Variants in XRRA1 observed in about 807,000 individuals in gnomAD.
The protein encoded by XRRA1 is X-ray radiation resistance associated 1.
Under a neutral mutation model 80.2 loss-of-function variants are expected in XRRA1, and 69 were observed. The ratio of observed to expected loss-of-function variants is 0.86; its 90% CI spans 0.71 to 1.05. The LOEUF (loss-of-function observed/expected upper bound fraction) is 1.05, where lower values mean the gene tolerates loss of function less well. Among genes scored for constraint, XRRA1 ranks in the 50% least tolerant of loss-of-function variants. XRRA1 has a pLI of 0.00. For missense variants in XRRA1, 967 were observed against 976.4 expected (o/e 0.99, Z 0.13); for synonymous variants, 348 against 389.9 (o/e 0.89, Z 1.27).
At chr11:74,887,201 G>C (rs1167659746) in intron 10 of XRRA1, among the ~76,000 whole-genome samples, 2 of 152,204 alleles carry the variant, frequency 1.3e-5, no homozygotes, top group East Asian at 1.9e-4. Flanking sequence ...AAATGTGACA[G>C]AAACAGTAAT....
intron 8 of XRRA1, among the ~76,000 whole-genome samples, chr11:74,908,062 G>C (rs1012877489): frequency 6.6e-6 from 1 of 152,066 alleles, no homozygotes; most frequent in Non-Finnish European, 1.5e-5. Flanking sequence ...CATACTGTAT[G>C]CCACCCACAC....
intron 4 of XRRA1, 138 bp from the exon 5 acceptor site, chr11:74,934,010 C>A: frequency 1.3e-6 from 1 of 769,334 alleles, no homozygotes; most frequent in South Asian, 1.9e-5. Context: ...TTCATTCATT[C>A]ATTCATTATT....
rs1433904647 is a variant in XRRA1 at position 74,841,378 on chromosome 11, A to G, written c.*1822T>C. ...GATGATCTAGGAAATGCATCTTTAT[A>G]CATGATTGTTAGCTGCTGTAGCTTT... On this transcript the variant is annotated 3_prime_UTR_variant, in exon 19 of 19. Coordinates refer to ENST00000684022, the MANE Select transcript of XRRA1 (RefSeq NM_001378157.1). 2.6e-5 allele frequency: 4 copies of G among 152,230 alleles called. No individual in the cohort carries two copies. The East Asian group carries it at 7.7e-4, about 29-fold the overall frequency. 9.4% of individuals were successfully genotyped at this position (152,230 alleles called of 1,614,324 possible). A position where few individuals can be genotyped will look rare whatever the true frequency, so the allele number is the denominator to read the frequency against.
In XRRA1 at chr11:74,846,512, T is replaced by C. The variant is rs115305506; in HGVS notation, c.1729-1241A>G. 4.5e-3 allele frequency among the ~76,000 whole-genome samples: 680 copies of C among 152,320 alleles called. 7 individuals carry two copies. The highest frequency in any genetic ancestry group is 0.016 in the African/African-American group (654 of 41,576). On this transcript the variant is annotated intron_variant, in intron 15 of 18. Transcript: ENST00000684022. ...GAAAAATACAAAGCAGTATCACTTA[T>C]GAATATAAATGCAAACATTCTCAAA...
intron 3 of XRRA1, among the ~76,000 whole-genome samples, chr11:74,938,203 C>T (rs1945487036): frequency 6.6e-6 from 1 of 152,248 alleles, no homozygotes; most frequent in African/African-American, 2.4e-5. Flanking sequence ...CCCTGGCTCA[C>T]AGACCACTGC....
At chr11:74,907,892 TA>T (rs2054995711) in intron 8 of XRRA1, among the ~76,000 whole-genome samples, 1 of 152,080 alleles carries the variant, frequency 6.6e-6, no homozygotes, top group Non-Finnish European at 1.5e-5. Flanking sequence ...GAGTGAGATT[TA>T]TGGGGGTGAT....
chr11:74,876,752 G>A (rs986876171), intron 10 of XRRA1: 2 of 152,168 alleles, frequency 1.3e-5, no homozygotes, highest in African/African-American at 4.8e-5. Flanking sequence ...TGAAGAAATA[G>A]GAGATCTTAA....
intron 10 of XRRA1, among the ~76,000 whole-genome samples, chr11:74,902,789 G>A (rs1266924052): frequency 6.6e-6 from 1 of 152,032 alleles, no homozygotes; most frequent in Non-Finnish European, 1.5e-5. Flanking sequence ...TGGGGGCCTG[G>A]GGGAGAGGTG....
chr11:74,946,845 G>A (rs1052433077), intron 1 of XRRA1, among the ~76,000 whole-genome samples: 3 of 151,348 alleles, frequency 2.0e-5, no homozygotes, highest in African/African-American at 7.3e-5. Context: ...TCCGCCTCCC[G>A]GGCTCACGCC....
chr11:74,896,863 T>A (rs2052445401), intron 10 of XRRA1, among the ~76,000 whole-genome samples: 1 of 152,208 alleles, frequency 6.6e-6, no homozygotes. Context: ...AATCACAGCA[T>A]TATTGGGCTT....
intron 17 of XRRA1, 33 bp downstream of exon 17, chr11:74,844,135 G>T: frequency 6.3e-7 from 1 of 1,588,224 alleles, no homozygotes; most frequent in East Asian, 2.2e-5. Flanking sequence ...GTACTCAGGG[G>T]CCATTTACAC....
chr11:74,894,297 C>T (rs141063403), intron 10 of XRRA1, among the ~76,000 whole-genome samples: 1 of 152,134 alleles, frequency 6.6e-6, no homozygotes, highest in Non-Finnish European at 1.5e-5. Context: ...GACTGAAGAA[C>T]TACCTGTCCA....
At chr11:74,848,054 G>A in intron 15 of XRRA1, 61 bp downstream of exon 15, 1 of 1,469,268 alleles carries the variant, frequency 6.8e-7, no homozygotes, top group South Asian at 1.2e-5. Context: ...CGAGCCTAAG[G>A]GCTGCACAGG....
At chr11:74,895,104 C>G (rs2051930455) in intron 10 of XRRA1, among the ~76,000 whole-genome samples, 1 of 152,168 alleles carries the variant, frequency 6.6e-6, no homozygotes, top group Non-Finnish European at 1.5e-5. Flanking sequence ...AACAAAAACG[C>G]AGGTGAGCAA....
At chr11:74,865,475 T>C (rs2136058768) in intron 10 of XRRA1, among the ~76,000 whole-genome samples, 1 of 152,228 alleles carries the variant, frequency 6.6e-6, no homozygotes. Context: ...AATTATTCCA[T>C]CTGTGCGGAG....
At chr11:74,913,242 A>G (rs1470948699) in intron 8 of XRRA1, among the ~76,000 whole-genome samples, 1 of 152,246 alleles carries the variant, frequency 6.6e-6, no homozygotes, top group Non-Finnish European at 1.5e-5. Context: ...ACCAAAAACA[A>G]TACTGAATCC....
At chr11:74,877,957 T>A (rs1379235967) in intron 10 of XRRA1, among the ~76,000 whole-genome samples, 9 of 152,026 alleles carry the variant, frequency 5.9e-5, no homozygotes, top group Non-Finnish European at 1.3e-4. Flanking sequence ...GCATGATTTA[T>A]AATCCTTTGG....
chr11:74,911,411 G>C (rs1030435653), intron 8 of XRRA1: 1 of 152,178 alleles, frequency 6.6e-6, no homozygotes, highest in Admixed American at 6.5e-5. Flanking sequence ...GATTTCAACT[G>C]CTACTCTGAT....
chr11:74,940,459 TA>T (rs1453079685), intron 3 of XRRA1, among the ~76,000 whole-genome samples: 1 of 151,748 alleles, frequency 6.6e-6, no homozygotes, highest in Non-Finnish European at 1.5e-5. Context: ...TCAGGGCAAA[TA>T]AAAAAGCTAT....
Sources: allele counts gnomAD v4.1 joint callset (sites outside exome capture counted in the v4.1 genomes callset), GRCh38; gene constraint gnomAD v4.1.1; transcripts MANE v1.5; gene names NCBI Gene and HGNC (gene_info 2026-07-23, HGNC 2026-07-21).